The following ATF7IP2 variants were observed in gnomAD, a reference collection of about 807,000 sequenced individuals.
ATF7IP2 encodes the protein activating transcription factor 7-interacting protein 2.
A neutral mutation model predicts 64.2 loss-of-function variants in ATF7IP2; 42 were observed. The observed-to-expected ratio is 0.65, with a 90% CI of 0.51 to 0.85. The LOEUF is 0.85. ATF7IP2 is among the 40% of genes least tolerant of loss of function. ATF7IP2 has a pLI of 0.00. For synonymous variants in ATF7IP2, 308 were observed against 272.8 expected, an observed-to-expected ratio of 1.13 and a Z score of -1.27; for missense variants, 933 against 784.2, an observed-to-expected ratio of 1.19 and a Z score of -2.27.
intron 9 of ATF7IP2, among the ~76,000 whole-genome samples, chr16:10,459,608 C>G (rs1255326736): frequency 1.3e-5 from 2 of 152,114 alleles, no homozygotes; most frequent in African/African-American, 2.4e-5. Context: ...GATCACGCCA[C>G]TGTACTCCAG....
chr16:10,413,883 G>T (rs1306642380), intron 1 of ATF7IP2, among the ~76,000 whole-genome samples: 1 of 152,168 alleles, frequency 6.6e-6, no homozygotes, highest in Non-Finnish European at 1.5e-5. Context: ...AGCTAGGAGG[G>T]TTTGCCGAGA....
At position 10,482,285 on chromosome 16, in the gene ATF7IP2, A is replaced by C. The variant is rs73499922; in HGVS notation, c.*36A>C. On this transcript the variant is annotated 3_prime_UTR_variant, in exon 14 of 14. Transcript: ENST00000562102. The stretch of plus-strand genomic sequence containing the variant: ...ATAATGATATACTACTTTTTTTTTC[A>C]TATTTGTTTGTTTGCAATGTTACTG... 4.2e-3 allele frequency: 6,109 copies of C among 1,445,348 alleles called. 191 individuals are homozygous for C. The African/African-American group carries it at 0.07, about 17-fold the overall frequency. 89.5% of individuals were successfully genotyped at this position (1,445,348 alleles called of 1,614,324 possible).
intron 12 of ATF7IP2, among the ~76,000 whole-genome samples, chr16:10,477,904 T>C (rs2050071289): frequency 6.9e-6 from 1 of 145,488 alleles, no homozygotes; most frequent in Admixed American, 7.1e-5. Context: ...CCATTCGCAA[T>C]TGCTTCAAAG....
At chr16:10,457,192 T>A in intron 8 of ATF7IP2, 180 bp from the exon 9 acceptor site, 1 of 534,272 alleles carries the variant, frequency 1.9e-6, no homozygotes, top group Non-Finnish European at 3.3e-6. Context: ...TTCTTCGGAG[T>A]TTTTAAAAAT....
chr16:10,448,996 GTTTA>G (rs1431118634), intron 8 of ATF7IP2: 1 of 152,120 alleles, frequency 6.6e-6, no homozygotes, highest in Non-Finnish European at 1.5e-5. Context: ...TCAGTACCTA[GTTTA>G]TTGAGAGTTT....
At chr16:10,417,111 G>A (rs975751606) in intron 2 of ATF7IP2, among the ~76,000 whole-genome samples, 1 of 152,048 alleles carries the variant, frequency 6.6e-6, no homozygotes, top group Non-Finnish European at 1.5e-5. Flanking sequence ...GAAGAGAAAG[G>A]AATCAAATGG....
At chr16:10,418,471 G>A (rs771807279) in intron 2 of ATF7IP2, among the ~76,000 whole-genome samples, 6 of 152,232 alleles carry the variant, frequency 3.9e-5, no homozygotes, top group South Asian at 2.1e-4. Flanking sequence ...GCTTTATCAC[G>A]GTGAGCTACT....
intron 7 of ATF7IP2, among the ~76,000 whole-genome samples, chr16:10,440,053 G>C (rs1305021992): frequency 6.6e-6 from 1 of 151,870 alleles, no homozygotes; most frequent in African/African-American, 2.4e-5. Flanking sequence ...CTAGCTACTT[G>C]GGAGGCTGAG....
At chr16:10,439,605 T>G (rs1358311833) in intron 7 of ATF7IP2, among the ~76,000 whole-genome samples, 1 of 143,554 alleles carries the variant, frequency 7.0e-6, no homozygotes, top group Non-Finnish European at 1.5e-5. Context: ...TGATCTCAGC[T>G]CACTGCAACC....
At position 10,431,019 on chromosome 16, in the gene ATF7IP2, G is replaced by C; in HGVS notation, c.399G>C (p.Glu133Asp). ...TESPSRVFTEEAKDSLNTSEN... is the reference protein window; with the variant it reads ...TESPSRVFTEDAKDSLNTSEN... The stretch of plus-strand genomic sequence containing the variant: ...CCCCCAGCAGAGTCTTCACAGAAGA[G>C]GCAAAAGATTCACTGAACACTTCTG... Residue 133 changes from glutamate to aspartate, a missense_variant, in exon 5 of 14, where the codon GAG becomes GAC. By Grantham distance (45) the Glu-to-Asp change is conservative. Coordinates refer to ENST00000562102, the MANE Select transcript of ATF7IP2 (RefSeq NM_001393719.1). 3.1e-6 allele frequency: 5 copies of C among 1,614,132 alleles called. No individual in the cohort carries two copies. The highest frequency in any genetic ancestry group is 4.2e-6 in the Non-Finnish European group (5 of 1,180,026).
intron 5 of ATF7IP2, among the ~76,000 whole-genome samples, chr16:10,432,159 T>A (rs2048281260): frequency 6.6e-6 from 1 of 152,062 alleles, no homozygotes; most frequent in African/African-American, 2.4e-5. Context: ...TTCTATAGAA[T>A]TGACCTGTAA....
intron 8 of ATF7IP2, chr16:10,448,511 G>A (rs2048883626): frequency 6.6e-6 from 1 of 151,888 alleles, no homozygotes; most frequent in South Asian, 2.1e-4. Flanking sequence ...GGATTCCTAG[G>A]TATTCTCTTT....
intron 8 of ATF7IP2, chr16:10,448,142 G>A (rs1412242436): frequency 6.6e-6 from 1 of 152,066 alleles, no homozygotes; most frequent in African/African-American, 2.4e-5. Flanking sequence ...TATCTCTTTT[G>A]GTACCAGTAC....
chr16:10,457,917 G>T (rs1041510284), intron 9 of ATF7IP2, among the ~76,000 whole-genome samples: 7 of 152,106 alleles, frequency 4.6e-5, no homozygotes, highest in African/African-American at 1.7e-4. Context: ...TCACCATGTT[G>T]CCCAGGCTGG....
Position 10,431,443 on chromosome 16 carries a change from A to G in ATF7IP2, c.823A>G (p.Thr275Ala), listed in dbSNP as rs113912969. ...ADSTWQSSLDTNNNSHYQKKR... is the reference protein window; with the variant it reads ...ADSTWQSSLDANNNSHYQKKR... Reference sequence around the variant, plus strand: ...CTCAACATGGCAGTCATCACTTGACACTAATAACAACAGTAAGTATATACT... The same window carrying G: ...CTCAACATGGCAGTCATCACTTGACGCTAATAACAACAGTAAGTATATACT... Residue 275 changes from threonine to alanine, a missense_variant, in exon 5 of 14, where the codon ACT becomes GCT. Thr to Ala is a moderately conservative substitution (Grantham distance 58, BLOSUM62 0). Coordinates refer to ENST00000562102, the MANE Select transcript of ATF7IP2 (RefSeq NM_001393719.1). 1 of 1,590,510 alleles carries G rather than the reference A, an allele frequency of 6.3e-7. No homozygotes were observed. The highest frequency in any genetic ancestry group is 8.6e-7 in the Non-Finnish European group (1 of 1,164,668).
At chr16:10,481,360 AGCTGGG>A (rs2050218837) in intron 13 of ATF7IP2, among the ~76,000 whole-genome samples, 1 of 37,036 alleles carries the variant, frequency 2.7e-5, no homozygotes, top group East Asian at 9.3e-4. Flanking sequence ...CCTCCCGAGT[AGCTGGG>A]ATTTCCCGAG....
At chr16:10,422,956 A>G (rs2048015343) in intron 3 of ATF7IP2, among the ~76,000 whole-genome samples, 1 of 152,172 alleles carries the variant, frequency 6.6e-6, no homozygotes, top group Non-Finnish European at 1.5e-5. Context: ...TTTAAATTTA[A>G]ACTAGAGGCC....
At chr16:10,447,360 G>C (rs1306639314) in intron 8 of ATF7IP2, 1 of 152,186 alleles carries the variant, frequency 6.6e-6, no homozygotes, top group East Asian at 1.9e-4. Flanking sequence ...CACCAAGTCA[G>C]TGGGATGCAT....
chr16:10,439,201 TG>T (rs1392655560), intron 7 of ATF7IP2, among the ~76,000 whole-genome samples: 2 of 152,180 alleles, frequency 1.3e-5, no homozygotes, highest in African/African-American at 4.8e-5. Flanking sequence ...TTAATTTTAT[TG>T]TAGACCAATT....
Sources: allele counts gnomAD v4.1 joint callset (sites outside exome capture counted in the v4.1 genomes callset), GRCh38; gene constraint gnomAD v4.1.1; transcripts MANE v1.5; gene names NCBI Gene and HGNC (gene_info 2026-07-23, HGNC 2026-07-21).